Variants in TTLL11 observed in about 807,000 individuals in gnomAD.
TTLL11 encodes tubulin polyglutamylase TTLL11.
TTLL11 carries 42 observed loss-of-function variants against 51.7 expected under a neutral mutation model. The observed-to-expected ratio is 0.81, with a 90% CI of 0.64 to 1.05. The LOEUF is 1.05. Among genes scored for constraint, TTLL11 ranks in the 50% least tolerant of loss-of-function variants. TTLL11 has a pLI of 0.00. For synonymous variants in TTLL11, 381 were observed against 383.5 expected (o/e 0.99, Z 0.08); for missense variants, 799 against 940.4 (o/e 0.85, Z 1.97).
intron 8 of TTLL11, among the ~76,000 whole-genome samples, chr9:121,849,978 G>T (rs1455956666): frequency 6.6e-6 from 1 of 152,000 alleles, no homozygotes; most frequent in African/African-American, 2.4e-5. Context: ...ATTATCTCTA[G>T]ATTACTTATA....
intron 6 of TTLL11, among the ~76,000 whole-genome samples, chr9:121,895,958 G>A (rs1839499672): frequency 1.8e-5 from 1 of 54,490 alleles, no homozygotes; most frequent in African/African-American, 5.6e-5. Flanking sequence ...GGGTGTGGGT[G>A]TGTGGGTGTG....
At chr9:121,985,503 A>AT (rs1842919124) in intron 4 of TTLL11, among the ~76,000 whole-genome samples, 1 of 134,358 alleles carries the variant, frequency 7.4e-6, no homozygotes, top group Non-Finnish European at 1.6e-5. Flanking sequence ...AAAGGATACC[A>AT]TTTTCTTTTC....
At chr9:121,900,128 T>C (rs58744673) in intron 6 of TTLL11, among the ~76,000 whole-genome samples, 50,458 of 152,130 alleles carry the variant, frequency 0.33, 9,164 homozygotes, top group East Asian at 0.52. Context: ...TGTCTCCTAA[T>C]AGTCCCAATG....
At chr9:121,960,060 C>T (rs1471908517) in intron 6 of TTLL11, among the ~76,000 whole-genome samples, 2 of 152,094 alleles carry the variant, frequency 1.3e-5, no homozygotes, top group East Asian at 3.9e-4. Context: ...TCTCAGATCA[C>T]ACCTCCCGCT....
At chr9:121,960,518 TCTC>T (rs2131624007) in intron 6 of TTLL11, among the ~76,000 whole-genome samples, 1 of 152,154 alleles carries the variant, frequency 6.6e-6, no homozygotes, top group South Asian at 2.1e-4. Context: ...CTGACCCACA[TCTC>T]CTCATGCCCA....
At chr9:121,924,682 G>A (rs753811216) in intron 6 of TTLL11, among the ~76,000 whole-genome samples, 12 of 151,602 alleles carry the variant, frequency 7.9e-5, no homozygotes, top group South Asian at 2.1e-4. Context: ...CAGTGAAAAC[G>A]GGCACTTCCA....
At chr9:122,060,160 G>C (rs7848199) in intron 1 of TTLL11, among the ~76,000 whole-genome samples, 6,255 of 152,072 alleles carry the variant, frequency 0.041, 411 homozygotes, top group African/African-American at 0.14. Context: ...ATAGACACAG[G>C]GTCCACCCAC....
intron 1 of TTLL11, among the ~76,000 whole-genome samples, chr9:122,066,290 A>T (rs918382837): frequency 6.6e-6 from 1 of 152,080 alleles, no homozygotes; most frequent in Non-Finnish European, 1.5e-5. Flanking sequence ...AATGTCATCC[A>T]ATTTAAAAAG....
rs1248627572 is a variant in TTLL11 at position 121,870,616 on chromosome 9, C to G, written c.1614G>C (p.Lys538Asn). ...PSICLKQVFP[K>N]YAKQFNYLRL... ...GCAGGTAGTTGAACTGTTTTGCGTA[C>G]TTGGGGAACACCTGCTTGAGGCAAA... Residue 538 changes from lysine to asparagine, a missense_variant, in exon 7 of 9, where the codon AAG (lysine) becomes AAC (asparagine). Lys to Asn is a moderately conservative substitution (Grantham distance 94, BLOSUM62 0). This residue lies in a region of TTLL11 where 468 missense variants were observed against 612.8 expected (regional missense o/e 0.76). Coordinates refer to ENST00000321582, the MANE Select transcript of TTLL11 (RefSeq NM_001139442.2). 6.4e-7 allele frequency: 1 copy of G among 1,551,624 alleles called. No homozygotes were observed. Among genetic ancestry groups the G allele is most frequent in the South Asian group, 1.2e-5 (1 of 84,058 alleles).
chr9:121,980,808 C>T (rs879518518), intron 4 of TTLL11, among the ~76,000 whole-genome samples: 11 of 152,196 alleles, frequency 7.2e-5, no homozygotes, highest in East Asian at 1.9e-4. Context: ...GGCACATATA[C>T]GCCATGGAAT....
intron 3 of TTLL11, among the ~76,000 whole-genome samples, chr9:122,006,981 CAAAAAAAAAAA>C (rs71371911): frequency 0.07 from 3,044 of 43,536 alleles, 126 homozygotes; most frequent in African/African-American, 0.2. Context: ...GATACTCTGT[CAAAAAAAAAAA>C]AAAAAAAAAA....
intron 6 of TTLL11, among the ~76,000 whole-genome samples, chr9:121,940,846 A>G (rs868750918): frequency 6.6e-6 from 1 of 152,210 alleles, no homozygotes; most frequent in Non-Finnish European, 1.5e-5. Context: ...TAGATTACTA[A>G]CTTCTTAAGG....
chr9:121,913,385 A>C (rs938633233), intron 6 of TTLL11, among the ~76,000 whole-genome samples: 4 of 152,202 alleles, frequency 2.6e-5, no homozygotes, highest in African/African-American at 7.2e-5. Context: ...TACATAGTAC[A>C]TCACTGTCCC....
chr9:121,826,513 A>ATATATATGGGTG, intron 8 of TTLL11, among the ~76,000 whole-genome samples: 1 of 89,134 alleles, frequency 1.1e-5, no homozygotes, highest in South Asian at 3.7e-4. Context: ...ATATATATAT[A>ATATATATGGGTG]TGTATATATA....
At chr9:122,018,364 G>A (rs1342828844) in intron 3 of TTLL11, among the ~76,000 whole-genome samples, 11 of 151,954 alleles carry the variant, frequency 7.2e-5, no homozygotes, top group Admixed American at 5.2e-4. Context: ...TGCCCGCCTC[G>A]GCCTCCCAAA....
In TTLL11 at chr9:122,012,657, T is replaced by TAC. The variant is rs1226373802; in HGVS notation, c.693+19064_693+19065dup. Among the ~76,000 whole-genome samples, 264 of 119,140 alleles carry TAC rather than the reference T, an allele frequency of 2.2e-3. 1 individual carries two copies. Among genetic ancestry groups the TAC allele is most frequent in the African/African-American group, 9.6e-3 (256 of 26,794 alleles). 78.2% of individuals were successfully genotyped at this position (119,140 alleles called of 152,430 possible). ...GACTGTCTCTGGCAGGAGGAAAAAA[T>TAC]ACACATACACACACACACACGCACA... On this transcript the variant is annotated intron_variant, in intron 3 of 8. Coordinates refer to ENST00000321582, the MANE Select transcript of TTLL11 (RefSeq NM_001139442.2).
intron 3 of TTLL11, among the ~76,000 whole-genome samples, chr9:121,991,717 G>A (rs975216352): frequency 6.6e-6 from 1 of 152,144 alleles, no homozygotes; most frequent in Non-Finnish European, 1.5e-5. Flanking sequence ...GTCACTCATT[G>A]GATTCCTGAA....
intron 2 of TTLL11, among the ~76,000 whole-genome samples, chr9:122,036,726 T>G (rs10818617): frequency 3.3e-5 from 5 of 151,866 alleles, no homozygotes; most frequent in South Asian, 4.2e-4. Flanking sequence ...ATATACAATG[T>G]ATAGAAAGTG....
chr9:121,819,369 G>C lies in TTLL11; in HGVS notation c.*3218C>G, dbSNP rs1460286046. On this transcript the variant is annotated 3_prime_UTR_variant, in exon 9 of 9. Transcript: ENST00000321582. ...CGGGGCACACCCAAAGAAAGGGTAG[G>C]TGGGCCCAGTTCTGTGGGTCTGTCC... 6.6e-6 allele frequency: 1 copy of C among 152,390 alleles called. No individual in the cohort carries two copies. Among genetic ancestry groups the C allele is most frequent in the East Asian group, 1.9e-4 (1 of 5,188 alleles). The allele number at this position is 152,390 out of a possible 1,614,324, so 9.4% of individuals were successfully genotyped here.
Sources: allele counts gnomAD v4.1 joint callset (sites outside exome capture counted in the v4.1 genomes callset), GRCh38; gene constraint gnomAD v4.1.1; regional missense constraint gnomAD v4.1.1; transcripts MANE v1.5; gene names NCBI Gene and HGNC (gene_info 2026-07-23, HGNC 2026-07-21).